Variants in ERBB4 observed in about 807,000 individuals in gnomAD.
ERBB4 encodes the protein receptor tyrosine-protein kinase erbB-4.
Under a neutral mutation model 158.0 loss-of-function variants are expected in ERBB4, and 42 were observed. The observed-to-expected ratio is 0.27, with a 90% CI of 0.21 to 0.34. ERBB4 has a LOEUF of 0.34. Ranked by LOEUF, ERBB4 falls within the 10% of genes least tolerant of loss-of-function variation. The pLI is 1.00. For synonymous variants in ERBB4, 583 were observed against 558.7 expected, an observed-to-expected ratio of 1.04 and a Z score of -0.61; for missense variants, 1,333 against 1,624.1, an observed-to-expected ratio of 0.82 and a Z score of 3.08.
chr2:212,253,791 T>A (rs1365383400), intron 1 of ERBB4, among the ~76,000 whole-genome samples: 1 of 152,248 alleles, frequency 6.6e-6, no homozygotes, highest in East Asian at 1.9e-4. Context: ...TTCTGAAAAA[T>A]GTATCGTTAG....
chr2:211,561,988 T>C lies in ERBB4; in HGVS notation c.2402A>G (p.His801Arg), dbSNP rs1420072649. The part of the protein sequence containing the change: ...TIQLVTQLMP[H>R]GCLLEYVHEH... The stretch of plus-strand genomic sequence containing the variant: ...GTGGACATACTCCAACAGGCAGCCA[T>C]GGGGCATAAGTTGAGTAACCAGCTG... The change falls in exon 20 of 28, where the codon CAT becomes CGT. Residue 801 changes from histidine to arginine, a missense_variant. Transcript: ENST00000342788. 13 of 1,614,032 alleles carry C rather than the reference T, an allele frequency of 8.1e-6. No individual in the cohort carries two copies. The highest frequency in any genetic ancestry group is 1.1e-5 in the Non-Finnish European group (13 of 1,180,040).
chr2:211,382,262 G>A lies in ERBB4; in HGVS notation c.*1353C>T, dbSNP rs572094089. ...ATGGAATTCAAGCCAATCCTTACTC[G>A]CATTCCTTCTTACGAAGTATACGAA... On this transcript the variant is annotated 3_prime_UTR_variant, in exon 28 of 28. Transcript: ENST00000342788. 3.0e-5 allele frequency: 7 copies of A among 231,246 alleles called. No individual in the cohort carries two copies. The highest frequency in any genetic ancestry group is 6.6e-5 in the African/African-American group (3 of 45,290). The allele number at this position is 231,246 out of a possible 1,614,324, so 14.3% of individuals were successfully genotyped here.
chr2:211,988,484 A>G (rs1265164963), intron 2 of ERBB4, among the ~76,000 whole-genome samples: 3 of 152,094 alleles, frequency 2.0e-5, no homozygotes, highest in African/African-American at 7.2e-5. Context: ...CATATAAGCA[A>G]TTTCTTTCCA....
chr2:212,022,199 T>C (rs2125329925), intron 2 of ERBB4, among the ~76,000 whole-genome samples: 1 of 152,306 alleles, frequency 6.6e-6, no homozygotes, highest in East Asian at 1.9e-4. Flanking sequence ...CTCAAAGGAA[T>C]ATAAATCATT....
At chr2:211,988,989 C>G (rs1054765946) in intron 2 of ERBB4, among the ~76,000 whole-genome samples, 7 of 151,962 alleles carry the variant, frequency 4.6e-5, no homozygotes, top group African/African-American at 1.7e-4. Context: ...TTAACAGAAA[C>G]TCTAAGATGG....
intron 1 of ERBB4, among the ~76,000 whole-genome samples, chr2:212,269,983 C>T (rs965885213): frequency 1.3e-5 from 2 of 151,670 alleles, no homozygotes; most frequent in Admixed American, 6.6e-5. Context: ...TGCTTAGTGA[C>T]TATAGCACAG....
intron 17 of ERBB4, among the ~76,000 whole-genome samples, chr2:211,625,850 T>C (rs1029431860): frequency 1.3e-5 from 2 of 152,222 alleles, no homozygotes; most frequent in Admixed American, 6.5e-5. Context: ...AAAATATACA[T>C]TGTGTATATG....
intron 1 of ERBB4, among the ~76,000 whole-genome samples, chr2:212,347,523 C>A (rs558158791): frequency 6.6e-6 from 1 of 152,088 alleles, no homozygotes; most frequent in African/African-American, 2.4e-5. Flanking sequence ...TTATACAACT[C>A]TTTCCTTTCA....
chr2:211,716,253 T>G (rs982696047), intron 7 of ERBB4, among the ~76,000 whole-genome samples: 1 of 149,082 alleles, frequency 6.7e-6, no homozygotes, highest in African/African-American at 2.5e-5. Flanking sequence ...TCCCAGCTAC[T>G]AGGGAGACTG....
rs1574633196 is a variant in ERBB4, at chr2:211,507,990, G to A, written c.2487+53913C>T. Among the ~76,000 whole-genome samples, 5 of 152,082 alleles carry A rather than the reference G, an allele frequency of 3.3e-5. No individual in the cohort carries two copies. In the South Asian group the frequency reaches 1.0e-3, roughly 32 times the overall value. On this transcript the variant is annotated intron_variant, in intron 20 of 27. Coordinates refer to ENST00000342788, the MANE Select transcript of ERBB4 (RefSeq NM_005235.3). Reference sequence around the variant, plus strand: ...CCTTATACACAAATTAACTCAAGATGGATTAAAGACTTAAATGTAAAACCC... The same window carrying A: ...CCTTATACACAAATTAACTCAAGATAGATTAAAGACTTAAATGTAAAACCC...
rs370458557 is a variant in ERBB4, at chr2:211,763,438, G to C, written c.557-12734C>G. ...GGGAAGGAACCATTTCTTTTCCATA[G>C]TTCCTAACAGTGTTCAAAACACAAT... is the stretch of plus-strand genomic sequence containing the variant. On this transcript the variant is annotated intron_variant, in intron 4 of 27. Transcript: ENST00000342788. Among the ~76,000 whole-genome samples the C allele has an allele frequency of 8.1e-4, 124 of 152,224 alleles. 2 individuals carry two copies. The South Asian group carries it at 0.025, about 31-fold the overall frequency.
intron 2 of ERBB4, among the ~76,000 whole-genome samples, chr2:212,075,817 A>T (rs1456663857): frequency 6.6e-6 from 1 of 151,930 alleles, no homozygotes; most frequent in Non-Finnish European, 1.5e-5. Context: ...ATTACATATG[A>T]AAAGTTCTCT....
intron 14 of ERBB4, among the ~76,000 whole-genome samples, chr2:211,669,421 T>C (rs560977248): frequency 6.6e-5 from 10 of 152,206 alleles, no homozygotes; most frequent in South Asian, 6.2e-4. Flanking sequence ...TCCCTTACTA[T>C]TTTTTCTCTT....
intron 1 of ERBB4, among the ~76,000 whole-genome samples, chr2:212,532,346 C>A (rs1692798572): frequency 6.6e-6 from 1 of 152,224 alleles, no homozygotes; most frequent in Non-Finnish European, 1.5e-5. Flanking sequence ...GGCCTCAAAG[C>A]TGCCTCCTCC....
intron 1 of ERBB4, among the ~76,000 whole-genome samples, chr2:212,177,627 A>G (rs1427909424): frequency 6.6e-6 from 1 of 151,898 alleles, no homozygotes; most frequent in Non-Finnish European, 1.5e-5. Context: ...CAAGAAGCTT[A>G]TCAATTATAT....
chr2:212,477,942 T>G lies in ERBB4; in HGVS notation c.82+60507A>C, dbSNP rs564376354. On this transcript the variant is annotated intron_variant, in intron 1 of 27. Coordinates refer to ENST00000342788, the MANE Select transcript of ERBB4 (RefSeq NM_005235.3). ...ACAGGGAAGTGTTCAGATGTTTACC[T>G]GCTTATTTTTAGCCTTCATCCTAGA... 5.3e-5 allele frequency among the ~76,000 whole-genome samples: 8 copies of G among 152,254 alleles called. No homozygotes were observed. In the South Asian group the frequency reaches 1.2e-3, roughly 24 times the overall value.
chr2:212,410,772 T>G (rs1232609881), intron 1 of ERBB4, among the ~76,000 whole-genome samples: 1 of 152,122 alleles, frequency 6.6e-6, no homozygotes, highest in African/African-American at 2.4e-5. Flanking sequence ...TTATTTAAAA[T>G]GCTGGTGAAT....
intron 5 of ERBB4, among the ~76,000 whole-genome samples, chr2:211,745,730 CAAAACA>C (rs937532717): frequency 4.7e-4 from 60 of 127,770 alleles, no homozygotes; most frequent in African/African-American, 1.6e-3. Context: ...AAAACAAAAA[CAAAACA>C]AAAAAAACCC....
At chr2:211,698,815 A>C (rs2073121294) in intron 12 of ERBB4, among the ~76,000 whole-genome samples, 1 of 152,198 alleles carries the variant, frequency 6.6e-6, no homozygotes, top group Admixed American at 6.5e-5. Flanking sequence ...AAATGCTTTT[A>C]TAAACCTACT....
Sources: allele counts gnomAD v4.1 joint callset (sites outside exome capture counted in the v4.1 genomes callset), GRCh38; gene constraint gnomAD v4.1.1; transcripts MANE v1.5; gene names NCBI Gene and HGNC (gene_info 2026-07-23, HGNC 2026-07-21).